The following GPM6B variants were observed in gnomAD, a reference collection of about 807,000 sequenced individuals.
GPM6B encodes the protein neuronal membrane glycoprotein M6-b.
A neutral mutation model predicts 27.2 loss-of-function variants in GPM6B; 4 were observed. The observed-to-expected ratio is 0.15, with a 90% CI of 0.07 to 0.34. GPM6B has a LOEUF of 0.34. Ranked by LOEUF, GPM6B falls within the 10% of genes least tolerant of loss-of-function variation. GPM6B has a pLI of 1.00. For synonymous variants in GPM6B, 124 were observed against 103.1 expected (o/e 1.20, Z -1.23); for missense variants, 183 against 261.9 (o/e 0.70, Z 2.08).
At chrX:13,868,551 T>C (rs1010391649) in intron 1 of GPM6B, among the ~76,000 whole-genome samples, 1 of 112,224 alleles carries the variant, frequency 8.9e-6, no homozygotes, top group East Asian at 2.8e-4. Context: ...TTAGATAAAA[T>C]TGTCTGTTGT....
At chrX:13,872,884 C>T (rs918552620) in intron 1 of GPM6B, among the ~76,000 whole-genome samples, 12 of 111,020 alleles carry the variant, frequency 1.1e-4, no homozygotes, top group African/African-American at 2.6e-4. Flanking sequence ...AGTACTTACT[C>T]GGCTTACAGG....
chrX:13,827,965 GC>G (rs1482526182), intron 1 of GPM6B, among the ~76,000 whole-genome samples: 1 of 110,926 alleles, frequency 9.0e-6, no homozygotes, highest in African/African-American at 3.3e-5. Flanking sequence ...CTGTCGGGCT[GC>G]CAGGAAAGGT....
chrX:13,823,017 A>G (rs1229472712), intron 1 of GPM6B, among the ~76,000 whole-genome samples: 1 of 111,787 alleles, frequency 8.9e-6, no homozygotes. Flanking sequence ...GTCCTCCATT[A>G]CCGGAATTAA....
intron 1 of GPM6B, among the ~76,000 whole-genome samples, chrX:13,901,049 G>GA (rs1384155046): frequency 1.8e-5 from 2 of 111,783 alleles, no homozygotes; most frequent in Admixed American, 1.9e-4. Flanking sequence ...TTGTTTTGAG[G>GA]ATCAGATAGC....
chrX:13,849,891 T>C (rs2049694456), intron 1 of GPM6B, among the ~76,000 whole-genome samples: 1 of 110,061 alleles, frequency 9.1e-6, no homozygotes, highest in Non-Finnish European at 1.9e-5. Flanking sequence ...AAACCTCATC[T>C]TTACTAAAAA....
intron 1 of GPM6B, among the ~76,000 whole-genome samples, chrX:13,876,565 A>T (rs1178584182): frequency 8.9e-6 from 1 of 112,040 alleles, no homozygotes; most frequent in Non-Finnish European, 1.9e-5. Flanking sequence ...AAACATTAGG[A>T]AATGAGAGGC....
At chrX:13,844,244 T>C (rs917364409) in intron 1 of GPM6B, among the ~76,000 whole-genome samples, 1 of 112,583 alleles carries the variant, frequency 8.9e-6, no homozygotes, top group African/African-American at 3.2e-5. Context: ...AATGATATCC[T>C]ATTGATCTAT....
At chrX:13,886,757 T>C in intron 1 of GPM6B, among the ~76,000 whole-genome samples, 1 of 75,535 alleles carries the variant, frequency 1.3e-5, no homozygotes. Context: ...GAAACTCTTG[T>C]TCTCAGTGTT....
At chrX:13,937,257 C>G (rs1240892879) in intron 1 of GPM6B, among the ~76,000 whole-genome samples, 2 of 111,899 alleles carry the variant, frequency 1.8e-5, no homozygotes, top group Non-Finnish European at 3.8e-5. Context: ...ATATTTTGAT[C>G]ACCTAGTAAA....
chrX:13,790,224 G>A (rs1037473891), intron 2 of GPM6B, among the ~76,000 whole-genome samples: 2 of 112,110 alleles, frequency 1.8e-5, no homozygotes, highest in African/African-American at 6.5e-5. Context: ...GATGTGAAGG[G>A]ATATATGGAT....
At chrX:13,849,974 G>A (rs557604678) in intron 1 of GPM6B, among the ~76,000 whole-genome samples, 25 of 111,367 alleles carry the variant, frequency 2.2e-4, no homozygotes, top group Admixed American at 1.3e-3. Flanking sequence ...CAGGAGAATC[G>A]CTTGAACCTA....
At chrX:13,789,805 CA>C (rs758790713) in intron 2 of GPM6B, among the ~76,000 whole-genome samples, 1 of 108,136 alleles carries the variant, frequency 9.2e-6, no homozygotes, top group Non-Finnish European at 1.9e-5. Context: ...AACAAAAAGA[CA>C]AAAAAAACAA....
At chrX:13,785,859 G>A in intron 2 of GPM6B, 51 bp from the exon 3 acceptor site, 1 of 1,005,649 alleles carries the variant, frequency 9.9e-7, no homozygotes, top group Admixed American at 2.5e-5. Context: ...AACACCTCTG[G>A]TCTTCAAGAA....
chrX:13,808,874 G>C (rs1045346548), intron 1 of GPM6B, among the ~76,000 whole-genome samples: 1 of 112,064 alleles, frequency 8.9e-6, no homozygotes, highest in African/African-American at 3.2e-5. Flanking sequence ...TTCAAGTTTG[G>C]AAGCAGAAAC....
rs1304393925 is a variant in GPM6B, at chrX:13,783,946, C to T, written c.369-425G>A. 17 of 316,518 alleles carry T rather than the reference C, an allele frequency of 5.4e-5. No homozygotes were observed. In the Admixed American group the frequency reaches 5.5e-4, roughly 10 times the overall value. 26.1% of individuals were successfully genotyped at this position (316,518 alleles called of 1,213,427 possible). Reference sequence around the variant, plus strand: ...CTTTCTGCCCTTTCAAAATGCCTCCCAACCAGGCCTAGTGGTTAATGTCAC... The same window carrying T: ...CTTTCTGCCCTTTCAAAATGCCTCCTAACCAGGCCTAGTGGTTAATGTCAC... On this transcript the variant is annotated intron_variant, in intron 3 of 7. Coordinates refer to ENST00000316715, the MANE Select transcript of GPM6B (RefSeq NM_001001995.3).
At chrX:13,869,115 G>A (rs981245886) in intron 1 of GPM6B, among the ~76,000 whole-genome samples, 2 of 112,115 alleles carry the variant, frequency 1.8e-5, no homozygotes, top group Non-Finnish European at 3.8e-5. Flanking sequence ...AATGTGGTCC[G>A]TATTCATACA....
chrX:13,807,000 C>G (rs2049034225), intron 2 of GPM6B, among the ~76,000 whole-genome samples: 1 of 111,661 alleles, frequency 9.0e-6, no homozygotes, highest in African/African-American at 3.3e-5. Context: ...TTCTAGGTCC[C>G]CAAATCAGCT....
At chrX:13,924,703 G>C (rs1483613971) in intron 1 of GPM6B, among the ~76,000 whole-genome samples, 6 of 111,351 alleles carry the variant, frequency 5.4e-5, no homozygotes, top group Admixed American at 3.8e-4. Flanking sequence ...CCCATCTTCA[G>C]GACTCCTGTG....
At chrX:13,836,035 C>G (rs1243601010) in intron 1 of GPM6B, among the ~76,000 whole-genome samples, 1 of 111,929 alleles carries the variant, frequency 8.9e-6, no homozygotes, top group Non-Finnish European at 1.9e-5. Flanking sequence ...CTTCAGAACA[C>G]GTGGCTCTCA....
Sources: gnomAD v4.1 joint callset for allele counts (sites outside exome capture counted in the v4.1 genomes callset) on GRCh38, gnomAD v4.1.1 for gene constraint, MANE v1.5 for transcripts, NCBI Gene and HGNC (gene_info 2026-07-23, HGNC 2026-07-21) for gene names.